HOXC13: variants seen among roughly 807,000 people sequenced by gnomAD.
HOXC13 encodes the protein homeobox protein Hox-C13.
Under a neutral mutation model 25.9 loss-of-function variants are expected in HOXC13, and 10 were observed. The observed-to-expected ratio is 0.39, with a 90% CI of 0.24 to 0.65. The LOEUF (loss-of-function observed/expected upper bound fraction) is 0.65, where lower values mean the gene tolerates loss of function less well. Ranked by LOEUF, HOXC13 falls within the 30% of genes least tolerant of loss-of-function variation. HOXC13 has a pLI of 0.50. For missense variants in HOXC13, 439 were observed against 478.3 expected, an observed-to-expected ratio of 0.92 and a Z score of 0.77; for synonymous variants, 233 against 217.1, an observed-to-expected ratio of 1.07 and a Z score of -0.64.
In HOXC13 at chr12:53,945,142, C is replaced by T. The variant is rs1267397926; in HGVS notation, c.879C>T (p.Ile293=). ...KFITKEKRRR[I]SATTNLSERQ... Reference sequence around the variant, plus strand: ...TCACCAAAGAGAAGCGCCGGCGCATCTCCGCCACCACGAACCTCTCTGAGC... The same window carrying T: ...TCACCAAAGAGAAGCGCCGGCGCATTTCCGCCACCACGAACCTCTCTGAGC... Residue 293 remains isoleucine, a synonymous_variant, in exon 2 of 2, where the codon ATC becomes ATT. Coordinates refer to ENST00000243056, the MANE Select transcript of HOXC13 (RefSeq NM_017410.3). This position sits in a 1 kb window ranked among gnomAD's most constrained non-coding sequence, Gnocchi z 4.4. 6.2e-7 allele frequency: 1 copy of T among 1,614,092 alleles called. No individual in the cohort carries two copies. The highest frequency in any genetic ancestry group is 8.5e-7 in the Non-Finnish European group (1 of 1,180,046).
rs1938670516 is a variant in HOXC13 at position 53,945,044 on chromosome 12, C to A, written c.781C>A (p.Arg261Ser). 1 of 1,613,992 alleles carries A rather than the reference C, an allele frequency of 6.2e-7. No individual in the cohort carries two copies. Among genetic ancestry groups the A allele is most frequent in the Non-Finnish European group, 8.5e-7 (1 of 1,179,988 alleles). The change falls in exon 2 of 2, where the codon CGC (arginine) becomes AGC (serine). Residue 261 changes from arginine to serine, a missense_variant. Transcript: ENST00000243056. The surrounding 1 kb of genome is among the most constrained non-coding windows in gnomAD (Gnocchi z 4.4). ...QPEVSSYRRG[R>S]KKRVPYTKVQ... is the part of the protein sequence containing the mutation. Reference sequence around the variant, plus strand: ...CGAGGTGAGCAGCTACCGGCGCGGGCGCAAGAAACGCGTGCCCTACACTAA... The same window carrying A: ...CGAGGTGAGCAGCTACCGGCGCGGGAGCAAGAAACGCGTGCCCTACACTAA...
At chr12:53,940,176 T>C (rs1026395923) in intron 1 of HOXC13, among the ~76,000 whole-genome samples, 2 of 152,260 alleles carry the variant, frequency 1.3e-5, no homozygotes, top group Admixed American at 1.3e-4. Context: ...ATTTATTTTT[T>C]TCCTTTCCTG....
In HOXC13 at chr12:53,946,256, G is replaced by A. The variant is rs944842839; in HGVS notation, c.*1000G>A. The A allele has an allele frequency of 4.4e-6, 1 of 227,788 alleles. No homozygotes were observed. Among genetic ancestry groups the A allele is most frequent in the Admixed American group, 5.7e-5 (1 of 17,552 alleles). The allele number at this position is 227,788 out of a possible 1,614,324, so 14.1% of individuals were successfully genotyped here. On this transcript the variant is annotated 3_prime_UTR_variant, in exon 2 of 2. Coordinates refer to ENST00000243056, the MANE Select transcript of HOXC13 (RefSeq NM_017410.3). ...TTCCAGAGGAAAGCTAGAGGATCTAGTTCAAGAGGCAAGAAGATCTGGCCC... is the reference window on the plus strand; with the variant it reads ...TTCCAGAGGAAAGCTAGAGGATCTAATTCAAGAGGCAAGAAGATCTGGCCC...
intron 1 of HOXC13, among the ~76,000 whole-genome samples, chr12:53,942,149 G>A (rs1013038959): frequency 1.1e-5 from 1 of 90,312 alleles, no homozygotes; most frequent in Non-Finnish European, 2.1e-5. Flanking sequence ...TACGGTGAGT[G>A]TAGACTTTTT....
chr12:53,940,581 T>C (rs1434155787), intron 1 of HOXC13, among the ~76,000 whole-genome samples: 1 of 152,210 alleles, frequency 6.6e-6, no homozygotes, highest in Non-Finnish European at 1.5e-5. Context: ...GAAAGGCTCC[T>C]GTAAATCCCA....
rs779536668 is a variant in HOXC13 at position 53,945,206 on chromosome 12, G to C, written c.943G>C (p.Glu315Gln). ...TIWFQNRRVK[E>Q]KKVVSKSKAP... ...CTGGTTCCAGAACCGGCGGGTCAAA[G>C]AGAAGAAGGTGGTCAGCAAATCGAA... The change falls in exon 2 of 2, where the codon GAG (glutamate) becomes CAG (glutamine). Residue 315 changes from glutamate (E) to glutamine (Q), a missense_variant. Physicochemically the swap from Glu to Gln is conservative, Grantham distance 29. Coordinates refer to ENST00000243056, the MANE Select transcript of HOXC13 (RefSeq NM_017410.3). This position sits in a 1 kb window ranked among gnomAD's most constrained non-coding sequence, Gnocchi z 4.4. The C allele has an allele frequency of 6.2e-7, 1 of 1,614,202 alleles. No homozygotes were observed. The highest frequency in any genetic ancestry group is 8.5e-7 in the Non-Finnish European group (1 of 1,180,040).
At chr12:53,943,265 A>C (rs1938640009) in intron 1 of HOXC13, among the ~76,000 whole-genome samples, 1 of 152,204 alleles carries the variant, frequency 6.6e-6, no homozygotes, top group Non-Finnish European at 1.5e-5. Flanking sequence ...CAACAATAAC[A>C]ACAACAAAAG....
At chr12:53,942,886 G>A (rs114099248) in intron 1 of HOXC13, among the ~76,000 whole-genome samples, 4,303 of 152,156 alleles carry the variant, frequency 0.028, 180 homozygotes, top group African/African-American at 0.097. Flanking sequence ...TTTTTTTTAG[G>A]GTTGATTAAA....
At position 53,939,790 on chromosome 12, in the gene HOXC13, C is replaced by G. The variant is rs2136355371; in HGVS notation, c.736+148C>G. The G allele has an allele frequency of 9.6e-7, 1 of 1,036,802 alleles. No homozygotes were observed. Among genetic ancestry groups the G allele is most frequent in the East Asian group, 3.7e-5 (1 of 27,242 alleles). 64.2% of individuals were successfully genotyped at this position (1,036,802 alleles called of 1,614,324 possible). ...TATGGAGCCGGCCGGGCGAGCTGCA[C>G]TGAGGAATGCGCCGGGGAAGAAATC... On this transcript the variant is annotated intron_variant, in intron 1 of 1. Transcript: ENST00000243056. This position sits in a 1 kb window ranked among gnomAD's most constrained non-coding sequence, Gnocchi z 6.7.
In HOXC13 at chr12:53,938,928, C is replaced by T; in HGVS notation, c.22C>T (p.His8Tyr). The T allele has an allele frequency of 1.3e-6, 2 of 1,559,810 alleles. No homozygotes were observed. The highest frequency in any genetic ancestry group is 1.7e-6 in the Non-Finnish European group (2 of 1,160,382). ...TGTCATGACGACTTCGCTGCTCCTG[C>T]ATCCACGCTGGCCGGAGAGCCTTAT... MTTSLLL[H>Y]PRWPESLMYV... is the part of the protein sequence containing the mutation. The change falls in exon 1 of 2, where the codon CAT (histidine) becomes TAT (tyrosine). Residue 8 changes from histidine (H) to tyrosine (Y), a missense_variant. By Grantham distance (83) the His-to-Tyr change is moderately conservative (BLOSUM62 2). Transcript: ENST00000243056.
At chr12:53,942,406 T>TG (rs934249935) in intron 1 of HOXC13, among the ~76,000 whole-genome samples, 14 of 14,918 alleles carry the variant, frequency 9.4e-4, no homozygotes, top group Non-Finnish European at 1.6e-3. Flanking sequence ...AGCTTGCCTG[T>TG]GGGGGGGCGG....
chr12:53,940,206 C>T (rs1335559498), intron 1 of HOXC13, among the ~76,000 whole-genome samples: 2 of 152,152 alleles, frequency 1.3e-5, no homozygotes, highest in African/African-American at 4.8e-5. Flanking sequence ...AAAAATCTGG[C>T]CACGAATTTC....
At position 53,945,039 on chromosome 12, in the gene HOXC13, G is replaced by T. The variant is rs751375008; in HGVS notation, c.776G>T (p.Arg259Leu). The change falls in exon 2 of 2, where the codon CGC (arginine) becomes CTC (leucine). Residue 259 changes from arginine (R) to leucine (L), a missense_variant. Transcript: ENST00000243056. The surrounding 1 kb of genome is among the most constrained non-coding windows in gnomAD (Gnocchi z 4.4). Reference sequence around the variant, plus strand: ...CAGCCCGAGGTGAGCAGCTACCGGCGCGGGCGCAAGAAACGCGTGCCCTAC... The same window carrying T: ...CAGCCCGAGGTGAGCAGCTACCGGCTCGGGCGCAAGAAACGCGTGCCCTAC... ...PLQPEVSSYR[R>L]GRKKRVPYTK... The T allele has an allele frequency of 6.2e-7, 1 of 1,613,932 alleles. No homozygotes were observed. Among genetic ancestry groups the T allele is most frequent in the Non-Finnish European group, 8.5e-7 (1 of 1,179,958 alleles).
At chr12:53,943,089 T>A (rs1938637812) in intron 1 of HOXC13, among the ~76,000 whole-genome samples, 1 of 152,256 alleles carries the variant, frequency 6.6e-6, no homozygotes, top group African/African-American at 2.4e-5. Flanking sequence ...TTAGCTGGCC[T>A]ATTTCCATTT....
At chr12:53,944,892 T>A in intron 1 of HOXC13, 108 bp from the exon 2 acceptor site, 1 of 1,402,448 alleles carries the variant, frequency 7.1e-7, no homozygotes. Context: ...TGCAATCCTC[T>A]GGCCCCGTTG....
chr12:53,940,826 C>G (rs1024550029), intron 1 of HOXC13, among the ~76,000 whole-genome samples: 1 of 152,134 alleles, frequency 6.6e-6, no homozygotes, highest in Admixed American at 6.5e-5. Flanking sequence ...TGCCCAGCTC[C>G]CCGACCAGCT....
Position 53,938,902 on chromosome 12 carries a change from A to C in HOXC13, c.-5A>C. On this transcript the variant is annotated 5_prime_UTR_variant, in exon 1 of 2. It removes an upstream start codon present in the reference 5' UTR. Coordinates refer to ENST00000243056, the MANE Select transcript of HOXC13 (RefSeq NM_017410.3). ...AGTTTTTAAAAAGCTCCAGCAGATCATGTCATGACGACTTCGCTGCTCCTG... is the reference window on the plus strand; with the variant it reads ...AGTTTTTAAAAAGCTCCAGCAGATCCTGTCATGACGACTTCGCTGCTCCTG... The C allele has an allele frequency of 6.4e-7, 1 of 1,552,762 alleles. No homozygotes were observed. Among genetic ancestry groups the C allele is most frequent in the Non-Finnish European group, 8.6e-7 (1 of 1,157,266 alleles).
Position 53,939,587 on chromosome 12 carries a change from G to A in HOXC13, c.681G>A (p.Val227=), listed in dbSNP as rs1343323823. 1.2e-6 allele frequency: 2 copies of A among 1,602,874 alleles called. No individual in the cohort carries two copies. The highest frequency in any genetic ancestry group is 2.7e-5 in the African/African-American group (2 of 74,496). ...WALSNGWDSQ[V]YCSKEQSQSA... ...TCTCCAATGGCTGGGACAGTCAGGT[G>A]TACTGCTCCAAGGAGCAGTCGCAGT... Residue 227 remains valine, a synonymous_variant, in exon 1 of 2, where the codon GTG becomes GTA. Transcript: ENST00000243056. The surrounding 1 kb of genome is among the most constrained non-coding windows in gnomAD (Gnocchi z 6.7).
chr12:53,943,587 C>CCT (rs3037794), intron 1 of HOXC13, among the ~76,000 whole-genome samples: 117,862 of 151,932 alleles, frequency 0.78, 46,449 homozygotes, highest in East Asian at 0.94. Flanking sequence ...CATTGGACCC[C>CCT]GTCTCCCATT....
Sources: allele counts gnomAD v4.1 joint callset (sites outside exome capture counted in the v4.1 genomes callset), GRCh38; gene constraint gnomAD v4.1.1; non-coding constraint Gnocchi (gnomAD v3.1); transcripts MANE v1.5; gene names NCBI Gene and HGNC (gene_info 2026-07-23, HGNC 2026-07-21).